Variants in ATP8A2 observed in about 807,000 individuals in gnomAD.
The protein encoded by ATP8A2 is ATPase phospholipid transporting 8A2.
Under a neutral mutation model 165.6 loss-of-function variants are expected in ATP8A2, and 100 were observed. The ratio of observed to expected loss-of-function variants is 0.60; its 90% CI spans 0.51 to 0.71. The LOEUF (loss-of-function observed/expected upper bound fraction) is 0.71, where lower values mean the gene tolerates loss of function less well. ATP8A2 is among the 30% of genes least tolerant of loss of function. The pLI, the probability that ATP8A2 is intolerant of heterozygous loss-of-function variation, is 0.00. For synonymous variants in ATP8A2, 543 were observed against 548.8 expected (o/e 0.99, Z 0.15); for missense variants, 1,227 against 1,479.5 (o/e 0.83, Z 2.80).
chr13:25,581,761 G>C, intron 22 of ATP8A2, 58 bp from the exon 23 acceptor site: 1 of 1,492,458 alleles, frequency 6.7e-7, no homozygotes, highest in Non-Finnish European at 9.3e-7. Flanking sequence ...GTCAGAATTT[G>C]TTAGTGCTGT....
chr13:25,437,728 T>G (rs576640683), intron 1 of ATP8A2, among the ~76,000 whole-genome samples: 2 of 152,212 alleles, frequency 1.3e-5, no homozygotes, highest in African/African-American at 2.4e-5. Context: ...CAAATGGATT[T>G]TAAAGAAAAT....
chr13:25,422,778 A>G (rs543457254), intron 1 of ATP8A2, among the ~76,000 whole-genome samples: 2 of 152,348 alleles, frequency 1.3e-5, no homozygotes, highest in African/African-American at 4.8e-5. Context: ...AGGCTTACAT[A>G]ATTGTTTGAA....
At chr13:25,449,381 G>T (rs970383035) in intron 1 of ATP8A2, among the ~76,000 whole-genome samples, 2 of 152,150 alleles carry the variant, frequency 1.3e-5, no homozygotes, top group Admixed American at 1.3e-4. Flanking sequence ...AATTTTCAAA[G>T]TATGGAGATT....
intron 25 of ATP8A2, among the ~76,000 whole-genome samples, chr13:25,719,106 G>A (rs916209257): frequency 6.6e-6 from 1 of 152,210 alleles, no homozygotes; most frequent in Admixed American, 6.5e-5. Context: ...TGAGCACTTA[G>A]ATCCTGTGAA....
intron 33 of ATP8A2, among the ~76,000 whole-genome samples, chr13:25,940,158 G>A (rs1292439926): frequency 6.6e-6 from 1 of 151,628 alleles, no homozygotes; most frequent in Non-Finnish European, 1.5e-5. Context: ...CAGCTTCCAG[G>A]GGCTGGACTC....
chr13:25,439,417 T>G (rs1271843599), intron 1 of ATP8A2, among the ~76,000 whole-genome samples: 1 of 152,200 alleles, frequency 6.6e-6, no homozygotes, highest in East Asian at 1.9e-4. Context: ...TATTAGGGCA[T>G]TTTAAATGAA....
intron 27 of ATP8A2, among the ~76,000 whole-genome samples, chr13:25,775,488 A>G (rs1284050256): frequency 6.6e-6 from 1 of 152,182 alleles, no homozygotes; most frequent in Non-Finnish European, 1.5e-5. Context: ...GTGAGGGGAT[A>G]GTGGGGAGTA....
intron 35 of ATP8A2, among the ~76,000 whole-genome samples, chr13:25,979,841 C>T (rs1166865022): frequency 1.3e-5 from 2 of 152,100 alleles, no homozygotes; most frequent in Admixed American, 6.5e-5. Context: ...AGGGAAGCCT[C>T]CTAAGATGAC....
At chr13:25,575,458 T>A (rs905084407) in intron 19 of ATP8A2, among the ~76,000 whole-genome samples, 2 of 152,234 alleles carry the variant, frequency 1.3e-5, no homozygotes, top group African/African-American at 4.8e-5. Context: ...TTTTGTTTCT[T>A]TGCCTCTTTT....
intron 10 of ATP8A2, among the ~76,000 whole-genome samples, chr13:25,545,303 C>T (rs993647947): frequency 2.6e-5 from 4 of 152,046 alleles, no homozygotes; most frequent in East Asian, 1.9e-4. Context: ...CCTGATCCAT[C>T]GCCCCTGCTA....
intron 30 of ATP8A2, among the ~76,000 whole-genome samples, chr13:25,858,524 G>A (rs951433972): frequency 2.0e-5 from 3 of 152,156 alleles, no homozygotes; most frequent in Non-Finnish European, 4.4e-5. Flanking sequence ...GGCTGGAATC[G>A]GGAGACTGTG....
intron 27 of ATP8A2, among the ~76,000 whole-genome samples, chr13:25,789,876 A>G (rs193196220): frequency 6.6e-6 from 1 of 152,228 alleles, no homozygotes; most frequent in Non-Finnish European, 1.5e-5. Context: ...TGGTACAAAA[A>G]CAGGCACAAA....
intron 35 of ATP8A2, 132 bp downstream of exon 35, chr13:25,968,811 T>A: frequency 1.4e-6 from 1 of 698,296 alleles, no homozygotes; most frequent in Non-Finnish European, 2.4e-6. Flanking sequence ...AGAATTTTGG[T>A]TATTCTCAGA....
At chr13:25,517,213 G>A (rs1006837317) in intron 2 of ATP8A2, 1 of 150,590 alleles carries the variant, frequency 6.6e-6, no homozygotes, top group Non-Finnish European at 1.5e-5. Flanking sequence ...TTCATGAAGT[G>A]TTCTATGTTT....
intron 25 of ATP8A2, among the ~76,000 whole-genome samples, chr13:25,731,712 C>T (rs1424004234): frequency 2.0e-5 from 3 of 152,134 alleles, no homozygotes; most frequent in African/African-American, 7.2e-5. Context: ...AAAAAATAAG[C>T]AGAGGGATTT....
At chr13:25,751,090 T>C (rs2044145246) in intron 25 of ATP8A2, among the ~76,000 whole-genome samples, 1 of 152,242 alleles carries the variant, frequency 6.6e-6, no homozygotes, top group Non-Finnish European at 1.5e-5. Flanking sequence ...TGTGATTTAT[T>C]TGGTGGGTTT....
chr13:25,971,527 G>C (rs1264676145), intron 35 of ATP8A2, among the ~76,000 whole-genome samples: 1 of 151,842 alleles, frequency 6.6e-6, no homozygotes, highest in Non-Finnish European at 1.5e-5. Context: ...GCTGATTTGT[G>C]TATCTCTCTA....
chr13:25,820,970 GTAAA>G (rs1293482675), intron 27 of ATP8A2, among the ~76,000 whole-genome samples: 1 of 151,062 alleles, frequency 6.6e-6, no homozygotes, highest in East Asian at 1.9e-4. Context: ...TCTCTACCAA[GTAAA>G]TAGTTTCGAT....
At chr13:25,930,129 G>C (rs11620018) in intron 33 of ATP8A2, among the ~76,000 whole-genome samples, 1 of 152,072 alleles carries the variant, frequency 6.6e-6, no homozygotes, top group Non-Finnish European at 1.5e-5. Context: ...CTGCCCCTTA[G>C]CCTGCCTGCA....
Sources: allele counts gnomAD v4.1 joint callset (sites outside exome capture counted in the v4.1 genomes callset), GRCh38; gene constraint gnomAD v4.1.1; transcripts MANE v1.5; gene names NCBI Gene and HGNC (gene_info 2026-07-23, HGNC 2026-07-21).